PRKCE: variants seen among roughly 807,000 people sequenced by gnomAD.
PRKCE encodes the protein protein kinase C epsilon type.
A neutral mutation model predicts 85.4 loss-of-function variants in PRKCE; 16 were observed. The ratio of observed to expected loss-of-function variants is 0.19; its 90% CI spans 0.13 to 0.28. The LOEUF is 0.28. PRKCE is among the 10% of genes least tolerant of loss of function. The probability of loss-of-function intolerance (pLI) is 1.00; values close to 1 mark genes in which losing one functional copy is unlikely to be tolerated. For synonymous variants in PRKCE, 388 were observed against 371.5 expected (o/e 1.04, Z -0.51); for missense variants, 573 against 975.2 (o/e 0.59, Z 5.49).
intron 1 of PRKCE, among the ~76,000 whole-genome samples, chr2:45,692,714 C>CACAT (rs1321936174): frequency 1.3e-5 from 2 of 151,606 alleles, no homozygotes; most frequent in Non-Finnish European, 2.9e-5. Context: ...GGAGGACACA[C>CACAT]ACACACACAC....
rs1197600017 is a variant in PRKCE at position 45,753,563 on chromosome 2, G to A, written c.349-89437G>A. On this transcript the variant is annotated intron_variant, in intron 1 of 14. Transcript: ENST00000306156. ...TGTCATTCCAGGGTGTGCTGAGCCCGCCTTGAGACTGACCCAGGTTGTTTG... is the reference window on the plus strand; with the variant it reads ...TGTCATTCCAGGGTGTGCTGAGCCCACCTTGAGACTGACCCAGGTTGTTTG... Among the ~76,000 whole-genome samples, 5 of 147,570 alleles carry A rather than the reference G, an allele frequency of 3.4e-5. No homozygotes were observed. In the Admixed American group the frequency reaches 3.4e-4, roughly 10 times the overall value.
Position 46,138,184 on chromosome 2 carries a change from A to G in PRKCE, c.1593-6909A>G, listed in dbSNP as rs1024283272. Among the ~76,000 whole-genome samples, 1 of 152,168 alleles carries G rather than the reference A, an allele frequency of 6.6e-6. No individual in the cohort carries two copies. Among genetic ancestry groups the G allele is most frequent in the African/African-American group, 2.4e-5 (1 of 41,440 alleles). The stretch of plus-strand genomic sequence containing the variant: ...ACCGCAGGAGAGCCTTCATTGTGCC[A>G]TCCTGCCTTGAAGTGGGTCTGCCCT... On this transcript the variant is annotated intron_variant, in intron 11 of 14. Transcript: ENST00000306156. This position sits in a 1 kb window ranked among gnomAD's most constrained non-coding sequence, Gnocchi z 4.2.
intron 14 of PRKCE, among the ~76,000 whole-genome samples, chr2:46,169,645 G>A (rs1329185481): frequency 6.6e-6 from 1 of 152,136 alleles, no homozygotes; most frequent in Non-Finnish European, 1.5e-5. Context: ...AGATGACTTC[G>A]AAAATAAACC....
At chr2:45,740,708 T>C (rs1682486720) in intron 1 of PRKCE, among the ~76,000 whole-genome samples, 1 of 152,238 alleles carries the variant, frequency 6.6e-6, no homozygotes, top group Admixed American at 6.5e-5. Flanking sequence ...CTGAGCATTT[T>C]CCTTTTTCAT....
chr2:46,089,953 A>C (rs1313330361), intron 11 of PRKCE, among the ~76,000 whole-genome samples: 1 of 152,102 alleles, frequency 6.6e-6, no homozygotes, highest in African/African-American at 2.4e-5. Context: ...TGTCTGCATC[A>C]GTGGTTCCCA....
At position 45,905,315 on chromosome 2, in the gene PRKCE, C is replaced by CA. The variant is rs1290590201; in HGVS notation, c.412+62253dup. Among the ~76,000 whole-genome samples, 2 of 152,192 alleles carry CA rather than the reference C, an allele frequency of 1.3e-5. No homozygotes were observed. Among genetic ancestry groups the CA allele is most frequent in the African/African-American group, 4.8e-5 (2 of 41,436 alleles). ...GGGAAGCTCCAAAAAAAAAGTAACT[C>CA]AGAGGTCAAGGTGAACCCTGAATGA... On this transcript the variant is annotated intron_variant, in intron 2 of 14. Transcript: ENST00000306156. The surrounding 1 kb of genome is among the most constrained non-coding windows in gnomAD (Gnocchi z 4.4).
At chr2:45,842,786 C>T (rs1299735075) in intron 1 of PRKCE, among the ~76,000 whole-genome samples, 1 of 152,170 alleles carries the variant, frequency 6.6e-6, no homozygotes, top group East Asian at 1.9e-4. Context: ...AGCAAAATTG[C>T]CCCCAGTTGA....
At chr2:45,918,115 G>A (rs1697969726) in intron 2 of PRKCE, among the ~76,000 whole-genome samples, 1 of 152,254 alleles carries the variant, frequency 6.6e-6, no homozygotes, top group African/African-American at 2.4e-5. Context: ...CCCAGAAAGG[G>A]GCTCCCAGAG....
intron 10 of PRKCE, among the ~76,000 whole-genome samples, chr2:46,022,066 G>A (rs534450163): frequency 1.3e-5 from 2 of 152,184 alleles, no homozygotes; most frequent in South Asian, 2.1e-4. Flanking sequence ...GAAGACTTTG[G>A]TGGGTGGTAG....
intron 6 of PRKCE, among the ~76,000 whole-genome samples, chr2:45,986,701 T>C (rs1335901144): frequency 6.6e-6 from 1 of 151,984 alleles, no homozygotes; most frequent in Non-Finnish European, 1.5e-5. Context: ...GAAATAGCAA[T>C]TGTGGGGACA....
At chr2:45,872,291 A>T (rs1335217148) in intron 2 of PRKCE, among the ~76,000 whole-genome samples, 1 of 152,134 alleles carries the variant, frequency 6.6e-6, no homozygotes, top group Non-Finnish European at 1.5e-5. Flanking sequence ...AAGTGCAAAG[A>T]CCCTGCAAGC....
At chr2:45,668,263 C>T (rs1372128566) in intron 1 of PRKCE, among the ~76,000 whole-genome samples, 2 of 152,150 alleles carry the variant, frequency 1.3e-5, no homozygotes, top group South Asian at 2.1e-4. Context: ...ATCGCTTGAA[C>T]CTGGGAGGTG....
Position 46,068,502 on chromosome 2 carries a change from T to C in PRKCE, c.1438-17706T>C, listed in dbSNP as rs1386223176. Among the ~76,000 whole-genome samples, 1 of 152,218 alleles carries C rather than the reference T, an allele frequency of 6.6e-6. No homozygotes were observed. The highest frequency in any genetic ancestry group is 1.5e-5 in the Non-Finnish European group (1 of 68,046). ...AGGTATAATTCCTACTCATGAGGAC[T>C]GAGAAAGACCAGTTGAAGAAGGGTA... On this transcript the variant is annotated intron_variant, in intron 10 of 14. Transcript: ENST00000306156. The surrounding 1 kb of genome is among the most constrained non-coding windows in gnomAD (Gnocchi z 4.3).
intron 10 of PRKCE, among the ~76,000 whole-genome samples, chr2:46,071,308 G>T (rs1405594018): frequency 5.3e-5 from 8 of 152,150 alleles, no homozygotes; most frequent in African/African-American, 1.9e-4. Context: ...GTTTATCATG[G>T]AGCCATAGGC....
At chr2:45,703,566 G>GA (rs1209304277) in intron 1 of PRKCE, among the ~76,000 whole-genome samples, 4 of 149,630 alleles carry the variant, frequency 2.7e-5, no homozygotes, top group Non-Finnish European at 4.5e-5. Context: ...GAAAAGAAAA[G>GA]AAAAAAAAAG....
chr2:45,742,641 T>C (rs1328087951), intron 1 of PRKCE, among the ~76,000 whole-genome samples: 2 of 152,146 alleles, frequency 1.3e-5, no homozygotes, highest in Non-Finnish European at 2.9e-5. Context: ...GATGTGGAGA[T>C]AACATGTTGG....
chr2:46,153,378 A>G (rs925455930), intron 13 of PRKCE, among the ~76,000 whole-genome samples: 2 of 152,210 alleles, frequency 1.3e-5, no homozygotes, highest in Non-Finnish European at 2.9e-5. Context: ...GATACAAACA[A>G]CACAGTCCCT....
At chr2:46,022,638 G>C (rs1376571657) in intron 10 of PRKCE, among the ~76,000 whole-genome samples, 2 of 152,150 alleles carry the variant, frequency 1.3e-5, no homozygotes, top group Non-Finnish European at 2.9e-5. Context: ...TTTACATCAG[G>C]GTTCCAAACT....
At chr2:45,779,277 G>T (rs562645510) in intron 1 of PRKCE, among the ~76,000 whole-genome samples, 2 of 152,216 alleles carry the variant, frequency 1.3e-5, no homozygotes, top group Non-Finnish European at 2.9e-5. Flanking sequence ...AGAGACCCTT[G>T]CACACTGCAG....
Sources: allele counts gnomAD v4.1 joint callset (sites outside exome capture counted in the v4.1 genomes callset), GRCh38; gene constraint gnomAD v4.1.1; non-coding constraint Gnocchi (gnomAD v3.1); transcripts MANE v1.5; gene names NCBI Gene and HGNC (gene_info 2026-07-23, HGNC 2026-07-21).